Variants in FLRT1 observed in about 807,000 individuals in gnomAD.
FLRT1 encodes the protein fibronectin leucine rich transmembrane protein 1, also known as leucine-rich repeat transmembrane protein FLRT1.
In FLRT1, 14 loss-of-function variants were observed where a neutral mutation model predicts 30.9. That is an observed-to-expected ratio of 0.45 (90% CI 0.30 to 0.71). The LOEUF is 0.71. Among genes scored for constraint, FLRT1 ranks in the 30% least tolerant of loss-of-function variants. The pLI, the probability that FLRT1 is intolerant of heterozygous loss-of-function variation, is 0.08. For synonymous variants in FLRT1, 368 were observed against 430.4 expected (o/e 0.85, Z 1.80); for missense variants, 737 against 949.2 (o/e 0.78, Z 2.94).
At chr11:64,069,275 C>T (rs1944062147) in intron 1 of FLRT1, among the ~76,000 whole-genome samples, 1 of 152,246 alleles carries the variant, frequency 6.6e-6, no homozygotes. Context: ...CAGCTCTGAA[C>T]CGCAGGGGAA....
At position 64,090,134 on chromosome 11, in the gene FLRT1, G is replaced by A. The variant is rs964537602; in HGVS notation, c.-1037-13060G>A. 2.0e-5 allele frequency among the ~76,000 whole-genome samples: 3 copies of A among 152,130 alleles called. No individual in the cohort carries two copies. Among genetic ancestry groups the A allele is most frequent in the African/African-American group, 4.8e-5 (2 of 41,414 alleles). ...GGGAAGATATGCACCCTCTCCCCAC[G>A]GGGCTAGGGACTCATCTCTGCCTGT... On this transcript the variant is annotated intron_variant, in intron 1 of 2. Transcript: ENST00000682287. This position sits in a 1 kb window ranked among gnomAD's most constrained non-coding sequence, Gnocchi z 4.7.
intron 1 of FLRT1, among the ~76,000 whole-genome samples, chr11:64,095,746 G>A (rs1230459690): frequency 6.6e-6 from 1 of 152,220 alleles, no homozygotes; most frequent in South Asian, 2.1e-4. Flanking sequence ...GCTGCACACT[G>A]GACCCCCAGC....
chr11:64,066,643 GAAAAAAAA>G, intron 1 of FLRT1, among the ~76,000 whole-genome samples: 1 of 78,898 alleles, frequency 1.3e-5, no homozygotes, highest in Non-Finnish European at 2.8e-5. Flanking sequence ...TCTTCAAAAA[GAAAAAAAA>G]AAAAAAAAGA....
chr11:64,109,950 G>T (rs1299396863), intron 2 of FLRT1, among the ~76,000 whole-genome samples: 1 of 152,132 alleles, frequency 6.6e-6, no homozygotes, highest in African/African-American at 2.4e-5. Context: ...CAGAAGCTAG[G>T]CCGTGTGTCT....
chr11:64,060,114 C>T (rs1371723810), intron 1 of FLRT1, among the ~76,000 whole-genome samples: 1 of 152,236 alleles, frequency 6.6e-6, no homozygotes, highest in Non-Finnish European at 1.5e-5. Context: ...AGTAATAATG[C>T]ACCTTACTTT....
intron 1 of FLRT1, among the ~76,000 whole-genome samples, chr11:64,050,978 CCT>C (rs758477432): frequency 1.3e-5 from 2 of 152,234 alleles, no homozygotes; most frequent in African/African-American, 2.4e-5. Context: ...AGGCCTGTCC[CCT>C]GAGCCCCACT....
At chr11:64,041,485 G>A (rs1226975975) in intron 1 of FLRT1, among the ~76,000 whole-genome samples, 4 of 152,056 alleles carry the variant, frequency 2.6e-5, no homozygotes, top group Admixed American at 2.6e-4. Flanking sequence ...GGGGAGTGAG[G>A]AGGGTGCCCG....
intron 1 of FLRT1, among the ~76,000 whole-genome samples, chr11:64,037,867 T>C (rs1176352837): frequency 6.6e-6 from 1 of 152,166 alleles, no homozygotes; most frequent in African/African-American, 2.4e-5. Flanking sequence ...CCCTTGTTGG[T>C]AAAATGGGAT....
chr11:64,059,688 C>T (rs1227240782), intron 1 of FLRT1, among the ~76,000 whole-genome samples: 1 of 152,182 alleles, frequency 6.6e-6, no homozygotes, highest in Non-Finnish European at 1.5e-5. Flanking sequence ...GAAACTGAGG[C>T]CTAGGCACAG....
chr11:64,050,686 A>G (rs1392563831), intron 1 of FLRT1, among the ~76,000 whole-genome samples: 1 of 152,152 alleles, frequency 6.6e-6, no homozygotes, highest in African/African-American at 2.4e-5. Context: ...TGGCGCGATC[A>G]TGGCTCACTG....
intron 1 of FLRT1, among the ~76,000 whole-genome samples, chr11:64,094,771 C>T (rs1944548610): frequency 6.6e-6 from 1 of 152,236 alleles, no homozygotes; most frequent in Non-Finnish European, 1.5e-5. Context: ...GAAAGTCACC[C>T]CTGACCCCAC....
At chr11:64,049,773 C>T (rs1019039579) in intron 1 of FLRT1, among the ~76,000 whole-genome samples, 2 of 152,196 alleles carry the variant, frequency 1.3e-5, no homozygotes, top group African/African-American at 4.8e-5. Context: ...GTGAAATGGG[C>T]GCCAGCCTGT....
At chr11:64,076,443 T>TGGAC (rs1565221389) in intron 1 of FLRT1, among the ~76,000 whole-genome samples, 4 of 151,714 alleles carry the variant, frequency 2.6e-5, no homozygotes, top group African/African-American at 9.7e-5. Context: ...ACTGGATGGA[T>TGGAC]GGATGGACGG....
chr11:64,039,720 C>T (rs1042806631), intron 1 of FLRT1, among the ~76,000 whole-genome samples: 4 of 152,202 alleles, frequency 2.6e-5, no homozygotes, highest in African/African-American at 9.7e-5. Flanking sequence ...TTTACCATCG[C>T]TCGAGGCCCC....
chr11:64,035,996 C>G lies in FLRT1; in HGVS notation c.-1201C>G, dbSNP rs1366381595. Reference sequence around the variant, plus strand: ...GATGCGCCGCCGCGCGCCCCCCGCTCCGGGCCCGCCACCGTGCTCTGCCGC... The same window carrying G: ...GATGCGCCGCCGCGCGCCCCCCGCTGCGGGCCCGCCACCGTGCTCTGCCGC... On this transcript the variant is annotated 5_prime_UTR_variant, in exon 1 of 3. Transcript: ENST00000682287. 6.6e-6 allele frequency: 1 copy of G among 150,548 alleles called. No homozygotes were observed. The highest frequency in any genetic ancestry group is 2.4e-5 in the African/African-American group (1 of 41,164). 9.3% of individuals were successfully genotyped at this position (150,548 alleles called of 1,614,324 possible).
chr11:64,060,071 G>C (rs1327571750), intron 1 of FLRT1, among the ~76,000 whole-genome samples: 6 of 152,232 alleles, frequency 3.9e-5, no homozygotes. Flanking sequence ...GCAACTAACA[G>C]ACCAATTAAG....
In FLRT1 at chr11:64,118,242, C is replaced by G; in HGVS notation, c.1975C>G (p.Arg659Gly). ...ACACACCATTGGCTACGGCACCACG[C>G]GGGGCTACCGGGACGGCGGCATCCC... ...ATHTIGYGTT[R>G]GYRDGGIPDI... Residue 659 changes from arginine to glycine, a missense_variant, in exon 3 of 3, where the codon CGG becomes GGG. Coordinates refer to ENST00000682287, the MANE Select transcript of FLRT1 (RefSeq NM_013280.5). 1.2e-6 allele frequency: 2 copies of G among 1,605,152 alleles called. No homozygotes were observed. The highest frequency in any genetic ancestry group is 1.7e-6 in the Non-Finnish European group (2 of 1,174,038).
chr11:64,053,269 G>A (rs76546737), intron 1 of FLRT1, among the ~76,000 whole-genome samples: 1,901 of 152,262 alleles, frequency 0.012, 40 homozygotes, highest in African/African-American at 0.043. Flanking sequence ...CTTGGGCCTC[G>A]TTAGGAGGTA....
chr11:64,070,627 C>T (rs1185771981), intron 1 of FLRT1, among the ~76,000 whole-genome samples: 1 of 152,148 alleles, frequency 6.6e-6, no homozygotes, highest in Non-Finnish European at 1.5e-5. Context: ...GAGAAAGCAC[C>T]ATAACTAACA....
Sources: allele counts gnomAD v4.1 joint callset (sites outside exome capture counted in the v4.1 genomes callset), GRCh38; gene constraint gnomAD v4.1.1; non-coding constraint Gnocchi (gnomAD v3.1); transcripts MANE v1.5; gene names NCBI Gene and HGNC (gene_info 2026-07-23, HGNC 2026-07-21).